The following PPARGC1A variants were observed in gnomAD, a reference collection of about 807,000 sequenced individuals.
PPARGC1A encodes the protein PPARG coactivator 1 alpha.
PPARGC1A carries 25 observed loss-of-function variants against 88.7 expected under a neutral mutation model. That is an observed-to-expected ratio of 0.28 (90% CI 0.21 to 0.39). The LOEUF (loss-of-function observed/expected upper bound fraction) is 0.39, where lower values mean the gene tolerates loss of function less well. Among genes scored for constraint, PPARGC1A ranks in the 10% least tolerant of loss-of-function variants. The pLI, the probability that PPARGC1A is intolerant of heterozygous loss-of-function variation, is 1.00. For missense variants in PPARGC1A, 880 were observed against 968.7 expected (o/e 0.91, Z 1.22); for synonymous variants, 363 against 355.6 (o/e 1.02, Z -0.24).
intron 2 of PPARGC1A, among the ~76,000 whole-genome samples, chr4:23,869,552 A>G (rs1474262362): frequency 2.0e-5 from 3 of 152,058 alleles, no homozygotes; most frequent in African/African-American, 7.2e-5. Context: ...TAGGAAGCCC[A>G]GTCCTGTACA....
At chr4:24,009,784 T>C in the PPARGC1A span, among the ~76,000 whole-genome samples, 4 of 152,352 alleles carry the variant, frequency 2.6e-5, no homozygotes, top group African/African-American at 4.8e-5. Flanking sequence ...GTCCCAGCAA[T>C]GGGATATTTC....
At chr4:23,887,735 A>G (rs1717147617) in intron 1 of PPARGC1A, among the ~76,000 whole-genome samples, 1 of 152,278 alleles carries the variant, frequency 6.6e-6, no homozygotes, top group East Asian at 1.9e-4. Context: ...TTTTTGTGCC[A>G]TTGATGGTAA....
chr4:24,376,791 A>G, the PPARGC1A span, among the ~76,000 whole-genome samples: 1 of 152,182 alleles, frequency 6.6e-6, no homozygotes, highest in Non-Finnish European at 1.5e-5. Flanking sequence ...GTGATCACGT[A>G]TCCATTTGTT....
intron 3 of PPARGC1A, among the ~76,000 whole-genome samples, chr4:23,831,032 A>T (rs758945791): frequency 1.3e-5 from 2 of 152,224 alleles, no homozygotes; most frequent in Non-Finnish European, 2.9e-5. Context: ...TTATTATACA[A>T]TTTGAAATAG....
At chr4:24,022,048 A>G in the PPARGC1A span, among the ~76,000 whole-genome samples, 1 of 152,152 alleles carries the variant, frequency 6.6e-6, no homozygotes, top group Non-Finnish European at 1.5e-5. Context: ...GCTAGGGAAG[A>G]CAGTGGTGTG....
chr4:24,103,312 T>A, the PPARGC1A span, among the ~76,000 whole-genome samples: 1 of 152,082 alleles, frequency 6.6e-6, no homozygotes, highest in Non-Finnish European at 1.5e-5. Flanking sequence ...CTCAAGGTGG[T>A]ATCCGCACCT....
chr4:24,346,014 T>C, the PPARGC1A span, among the ~76,000 whole-genome samples: 1 of 152,208 alleles, frequency 6.6e-6, no homozygotes, highest in East Asian at 1.9e-4. Context: ...TGTCTAATGC[T>C]TTTTCTGCAT....
At chr4:24,382,426 G>A in the PPARGC1A span, among the ~76,000 whole-genome samples, 1 of 152,052 alleles carries the variant, frequency 6.6e-6, no homozygotes, top group Non-Finnish European at 1.5e-5. Flanking sequence ...AGAACTTTCA[G>A]AACTTAAAAG....
the PPARGC1A span, among the ~76,000 whole-genome samples, chr4:24,059,741 C>T: frequency 2.0e-5 from 3 of 152,158 alleles, no homozygotes; most frequent in African/African-American, 7.2e-5. Flanking sequence ...GATCCAGTAC[C>T]CTATGGGAGA....
intron 2 of PPARGC1A, among the ~76,000 whole-genome samples, chr4:23,837,931 TG>T (rs1432425030): frequency 6.6e-6 from 1 of 152,216 alleles, no homozygotes. Flanking sequence ...GTACAGATTT[TG>T]GTTCTGATGC....
the PPARGC1A span, among the ~76,000 whole-genome samples, chr4:24,437,667 CT>C: frequency 6.7e-6 from 1 of 149,686 alleles, no homozygotes; most frequent in African/African-American, 2.5e-5. Flanking sequence ...GGGTTTTTTT[CT>C]TTCTTTTTTT....
the PPARGC1A span, among the ~76,000 whole-genome samples, chr4:24,319,073 G>A: frequency 2.0e-5 from 3 of 152,212 alleles, no homozygotes; most frequent in Non-Finnish European, 4.4e-5. Context: ...TCGGCTGAGT[G>A]CGGTGGCTTA....
chr4:24,173,350 A>G, the PPARGC1A span, among the ~76,000 whole-genome samples: 1 of 151,976 alleles, frequency 6.6e-6, no homozygotes, highest in African/African-American at 2.4e-5. Flanking sequence ...AAAAAAAAAA[A>G]AAAAAAAGAA....
the PPARGC1A span, among the ~76,000 whole-genome samples, chr4:24,331,929 C>T: frequency 6.6e-6 from 1 of 151,976 alleles, no homozygotes; most frequent in Non-Finnish European, 1.5e-5. Flanking sequence ...TGCTCTCCCT[C>T]CCCTTGCCCC....
intron 1 of PPARGC1A, among the ~76,000 whole-genome samples, chr4:23,886,496 G>A (rs989465203): frequency 6.6e-6 from 1 of 152,084 alleles, no homozygotes; most frequent in East Asian, 1.9e-4. Flanking sequence ...ACCCCAGTGA[G>A]ATCCCTGGCA....
the PPARGC1A span, among the ~76,000 whole-genome samples, chr4:23,911,302 G>T: frequency 6.6e-6 from 1 of 152,082 alleles, no homozygotes; most frequent in Non-Finnish European, 1.5e-5. Flanking sequence ...GTCATCTTTG[G>T]ATAATCAAAA....
intron 7 of PPARGC1A, among the ~76,000 whole-genome samples, chr4:23,823,550 A>G (rs2109590044): frequency 6.6e-6 from 1 of 152,212 alleles, no homozygotes; most frequent in African/African-American, 2.4e-5. Flanking sequence ...TGCATATCAT[A>G]TATACACACA....
At chr4:24,228,448 C>T in the PPARGC1A span, among the ~76,000 whole-genome samples, 3 of 152,080 alleles carry the variant, frequency 2.0e-5, no homozygotes, top group Non-Finnish European at 4.4e-5. Flanking sequence ...ACATTGAGTC[C>T]TCATGGACAT....
At chr4:24,169,029 GCC>G in the PPARGC1A span, among the ~76,000 whole-genome samples, 1 of 152,158 alleles carries the variant, frequency 6.6e-6, no homozygotes, top group South Asian at 2.1e-4. Flanking sequence ...GACAAACACT[GCC>G]TCAGCCATAT....
Sources: gnomAD v4.1 joint callset for allele counts (sites outside exome capture counted in the v4.1 genomes callset) on GRCh38, gnomAD v4.1.1 for gene constraint, MANE v1.5 for transcripts, NCBI Gene and HGNC (gene_info 2026-07-23, HGNC 2026-07-21) for gene names.